NEGR1: variants seen among roughly 807,000 people sequenced by gnomAD.
NEGR1 encodes the protein neuronal growth regulator 1, also known as IgLON family member 4.
Under a neutral mutation model 40.9 loss-of-function variants are expected in NEGR1, and 10 were observed. That is an observed-to-expected ratio of 0.24 (90% CI 0.15 to 0.42). The LOEUF is 0.42. Among genes scored for constraint, NEGR1 ranks in the 10% least tolerant of loss-of-function variants. The pLI is 1.00. For missense variants in NEGR1, 352 were observed against 438.9 expected (o/e 0.80, Z 1.77); for synonymous variants, 185 against 166.8 (o/e 1.11, Z -0.84).
intron 1 of NEGR1, among the ~76,000 whole-genome samples, chr1:72,097,585 C>A (rs562435966): frequency 6.6e-6 from 1 of 152,296 alleles, no homozygotes; most frequent in Admixed American, 6.5e-5. Context: ...AGTTCAAAAA[C>A]GTTAACCACT....
chr1:72,013,874 G>A (rs1646682959), intron 1 of NEGR1, among the ~76,000 whole-genome samples: 1 of 146,056 alleles, frequency 6.8e-6, no homozygotes, highest in Non-Finnish European at 1.5e-5. Context: ...TTTGCATGCA[G>A]TATGATTAAT....
At chr1:72,034,911 T>C (rs1646889238) in intron 1 of NEGR1, among the ~76,000 whole-genome samples, 1 of 152,130 alleles carries the variant, frequency 6.6e-6, no homozygotes, top group Admixed American at 6.5e-5. Context: ...TATATGTAAA[T>C]GCCAGCAGCT....
intron 2 of NEGR1, among the ~76,000 whole-genome samples, chr1:71,898,981 C>CATATATATAT (rs55674579): frequency 0.02 from 1,007 of 50,920 alleles, 33 homozygotes; most frequent in African/African-American, 0.047. Flanking sequence ...ATATATATAG[C>CATATATATAT]ATATATATAT....
At chr1:71,710,984 T>A (rs557635516) in intron 3 of NEGR1, among the ~76,000 whole-genome samples, 3 of 152,008 alleles carry the variant, frequency 2.0e-5, no homozygotes, top group Non-Finnish European at 4.4e-5. Flanking sequence ...TATCAAAATA[T>A]CTCATGTACC....
intron 1 of NEGR1, among the ~76,000 whole-genome samples, chr1:71,961,934 A>T (rs1483270258): frequency 6.6e-6 from 1 of 152,076 alleles, no homozygotes; most frequent in African/African-American, 2.4e-5. Context: ...AAACTAATAA[A>T]TCTGACGTTA....
intron 1 of NEGR1, among the ~76,000 whole-genome samples, chr1:72,150,818 C>T (rs1253519534): frequency 2.6e-5 from 4 of 152,016 alleles, no homozygotes; most frequent in Non-Finnish European, 4.4e-5. Flanking sequence ...TACTTATTCA[C>T]ATATTTTTTG....
chr1:71,477,847 T>C (rs577310731), intron 6 of NEGR1, among the ~76,000 whole-genome samples: 1 of 152,044 alleles, frequency 6.6e-6, no homozygotes, highest in East Asian at 2.0e-4. Context: ...ACAAAGAGAC[T>C]GAGCAGATAT....
chr1:71,956,712 A>G (rs988045172), intron 1 of NEGR1, among the ~76,000 whole-genome samples: 11 of 152,150 alleles, frequency 7.2e-5, no homozygotes, highest in African/African-American at 2.7e-4. Context: ...TTTAATGGAC[A>G]TGTAAGTACA....
chr1:71,505,651 T>C (rs1351091528), intron 6 of NEGR1, among the ~76,000 whole-genome samples: 2 of 152,186 alleles, frequency 1.3e-5, no homozygotes, highest in Non-Finnish European at 2.9e-5. Context: ...AAACGATGCA[T>C]TTTGGGCAGT....
At chr1:71,645,331 A>C (rs1188375314) in intron 4 of NEGR1, among the ~76,000 whole-genome samples, 1 of 152,038 alleles carries the variant, frequency 6.6e-6, no homozygotes, top group African/African-American at 2.4e-5. Context: ...GATACAGTTT[A>C]AGAATAACAG....
At chr1:72,099,968 C>A (rs1051171890) in intron 1 of NEGR1, among the ~76,000 whole-genome samples, 2 of 151,688 alleles carry the variant, frequency 1.3e-5, no homozygotes, top group African/African-American at 4.8e-5. Flanking sequence ...TATATTTAAC[C>A]ATTGCATGAC....
rs115641603 is a variant in NEGR1, at chr1:71,494,242, C to T, written c.941-86672G>A. Among the ~76,000 whole-genome samples the T allele has an allele frequency of 4.0e-3, 605 of 152,258 alleles. 5 individuals carry two copies. The highest frequency in any genetic ancestry group is 4.5e-3 in the Non-Finnish European group (304 of 68,020). On this transcript the variant is annotated intron_variant, in intron 6 of 6. Coordinates refer to ENST00000357731, the MANE Select transcript of NEGR1 (RefSeq NM_173808.3). ...ATATCACCTCTAATCTCATGAAGAA[C>T]TGATGAGTAAAGGTTGCCTGACTTT...
intron 6 of NEGR1, among the ~76,000 whole-genome samples, chr1:71,501,154 T>G (rs1646996540): frequency 6.6e-6 from 1 of 152,118 alleles, no homozygotes; most frequent in South Asian, 2.1e-4. Flanking sequence ...TACACACATG[T>G]GCAGGCATGT....
chr1:71,888,481 T>G (rs1158771659), intron 2 of NEGR1, among the ~76,000 whole-genome samples: 1 of 151,698 alleles, frequency 6.6e-6, no homozygotes, highest in Non-Finnish European at 1.5e-5. Context: ...ATCGGGTCAC[T>G]CCCACCCGAA....
chr1:72,000,716 T>C (rs1182323258), intron 1 of NEGR1, among the ~76,000 whole-genome samples: 1 of 152,170 alleles, frequency 6.6e-6, no homozygotes, highest in Non-Finnish European at 1.5e-5. Flanking sequence ...GTGAACCAAT[T>C]GGCAATTTAT....
intron 4 of NEGR1, among the ~76,000 whole-genome samples, chr1:71,636,698 G>T (rs1651163371): frequency 6.6e-6 from 1 of 152,192 alleles, no homozygotes; most frequent in African/African-American, 2.4e-5. Flanking sequence ...CTATTGTGGA[G>T]TGGCTGTCAT....
intron 1 of NEGR1, among the ~76,000 whole-genome samples, chr1:72,203,729 T>A (rs1653295287): frequency 6.6e-6 from 1 of 152,062 alleles, no homozygotes; most frequent in Non-Finnish European, 1.5e-5. Flanking sequence ...GTGTCAAACT[T>A]CATTATCCTC....
intron 6 of NEGR1, among the ~76,000 whole-genome samples, chr1:71,419,809 G>A (rs893836728): frequency 6.6e-6 from 1 of 151,286 alleles, no homozygotes; most frequent in Non-Finnish European, 1.5e-5. Flanking sequence ...TGTAAAACGG[G>A]AAAATGAGAA....
intron 1 of NEGR1, among the ~76,000 whole-genome samples, chr1:72,074,641 C>T (rs1055708452): frequency 3.9e-5 from 6 of 151,968 alleles, no homozygotes; most frequent in African/African-American, 1.2e-4. Context: ...CAATAAACTC[C>T]TATAATACCT....
Sources: gnomAD v4.1 joint callset for allele counts (sites outside exome capture counted in the v4.1 genomes callset) on GRCh38, gnomAD v4.1.1 for gene constraint, MANE v1.5 for transcripts, NCBI Gene and HGNC (gene_info 2026-07-23, HGNC 2026-07-21) for gene names.